The following PWWP3B variants were observed in gnomAD, a reference collection of about 807,000 sequenced individuals.
PWWP3B encodes the protein PWWP domain containing 3B, also known as PWWP domain-containing DNA repair factor 3B.
In PWWP3B, 5 loss-of-function variants were observed where a neutral mutation model predicts 15.7. The observed-to-expected ratio is 0.32, with a 90% CI of 0.17 to 0.67. The LOEUF (loss-of-function observed/expected upper bound fraction) is 0.67, where lower values mean the gene tolerates loss of function less well. Ranked by LOEUF, PWWP3B falls within the 30% of genes least tolerant of loss-of-function variation. The probability of loss-of-function intolerance (pLI) is 0.74; values close to 1 mark genes in which losing one functional copy is unlikely to be tolerated. For synonymous variants in PWWP3B, 203 were observed against 179.8 expected (o/e 1.13, Z -1.03); for missense variants, 519 against 493.1 (o/e 1.05, Z -0.50).
chrX:106,194,232 G>A (rs1320757844), intron 2 of PWWP3B, among the ~76,000 whole-genome samples: 2 of 111,208 alleles, frequency 1.8e-5, no homozygotes, highest in Admixed American at 9.5e-5. Flanking sequence ...TGCAGTCTTT[G>A]TTCATTTCTT....
intron 2 of PWWP3B, among the ~76,000 whole-genome samples, chrX:106,190,693 C>A (rs1475723324): frequency 8.9e-6 from 1 of 111,934 alleles, no homozygotes; most frequent in African/African-American, 3.3e-5. Flanking sequence ...ACATGTAAGT[C>A]TTTAATCCAT....
chrX:106,195,549 G>A (rs769187297), intron 2 of PWWP3B, among the ~76,000 whole-genome samples: 2 of 111,524 alleles, frequency 1.8e-5, no homozygotes, highest in South Asian at 7.5e-4. Context: ...GGTGTGTGAT[G>A]TCCAGTTGTT....
intron 2 of PWWP3B, among the ~76,000 whole-genome samples, chrX:106,183,197 C>G (rs772439267): frequency 9.0e-6 from 1 of 111,476 alleles, no homozygotes; most frequent in Non-Finnish European, 1.9e-5. Context: ...AACAATAGAT[C>G]TCTTGGTTGA....
intron 2 of PWWP3B, among the ~76,000 whole-genome samples, chrX:106,172,893 G>C (rs1460146488): frequency 8.9e-6 from 1 of 111,744 alleles, no homozygotes; most frequent in African/African-American, 3.3e-5. Flanking sequence ...GTCATGAATT[G>C]TGCTTCAGTG....
chrX:106,193,291 T>G (rs1407232450), intron 2 of PWWP3B, among the ~76,000 whole-genome samples: 2 of 111,679 alleles, frequency 1.8e-5, no homozygotes, highest in African/African-American at 3.3e-5. Context: ...TACCATTATG[T>G]AATGGCCTTC....
At chrX:106,191,020 C>T (rs7889453) in intron 2 of PWWP3B, among the ~76,000 whole-genome samples, 108 of 110,391 alleles carry the variant, frequency 9.8e-4, no homozygotes, top group African/African-American at 3.0e-3. Context: ...ATTGACTTGG[C>T]GATGCGGGCT....
In PWWP3B at chrX:106,205,584, A is replaced by G. The variant is rs780970235; in HGVS notation, c.152A>G (p.Asp51Gly). 9 of 1,207,360 alleles carry G rather than the reference A, an allele frequency of 7.5e-6. No individual in the cohort carries two copies. The East Asian group carries it at 2.7e-4, about 36-fold the overall frequency. The change falls in exon 4 of 4, where the codon GAC becomes GGC. Residue 51 changes from aspartate (D) to glycine (G), a missense_variant. Asp to Gly is a moderately conservative substitution (Grantham distance 94). Coordinates refer to ENST00000357175, the MANE Select transcript of PWWP3B (RefSeq NM_001171020.2). ...TCACTAGATGAAAAAATTAAATTGG[A>G]CAGCACAGAAACAAAGATCCTAAAT... ...ILSLDEKIKLDSTETKILNKS... is the reference protein window; with the variant it reads ...ILSLDEKIKLGSTETKILNKS...
intron 2 of PWWP3B, among the ~76,000 whole-genome samples, chrX:106,197,065 C>T (rs1168075322): frequency 8.9e-6 from 1 of 111,866 alleles, no homozygotes; most frequent in Non-Finnish European, 1.9e-5. Flanking sequence ...GTCTGTTGTC[C>T]TGTCTAGCCA....
intron 2 of PWWP3B, among the ~76,000 whole-genome samples, chrX:106,194,928 G>A (rs759122175): frequency 2.7e-5 from 3 of 111,393 alleles, no homozygotes; most frequent in Non-Finnish European, 5.7e-5. Flanking sequence ...GTACCCGGCC[G>A]TATGAGGTGT....
intron 2 of PWWP3B, among the ~76,000 whole-genome samples, chrX:106,191,220 T>C (rs1196199412): frequency 3.6e-5 from 4 of 111,388 alleles, no homozygotes; most frequent in Admixed American, 9.5e-5. Flanking sequence ...TTTTATTTCA[T>C]TGAGCAGTGG....
At chrX:106,194,568 G>C (rs746804682) in intron 2 of PWWP3B, among the ~76,000 whole-genome samples, 3 of 112,015 alleles carry the variant, frequency 2.7e-5, no homozygotes, top group Non-Finnish European at 5.6e-5. Context: ...GTCCAGCTTT[G>C]TTCCATTGCT....
At chrX:106,188,757 A>G (rs748429192) in intron 2 of PWWP3B, among the ~76,000 whole-genome samples, 1 of 112,663 alleles carries the variant, frequency 8.9e-6, no homozygotes, top group Admixed American at 9.4e-5. Flanking sequence ...TACAAATGGA[A>G]TCATAAAGTA....
chrX:106,181,818 T>G (rs894205729), intron 2 of PWWP3B, among the ~76,000 whole-genome samples: 12 of 112,006 alleles, frequency 1.1e-4, no homozygotes, highest in South Asian at 3.8e-4. Flanking sequence ...GGGTTCCATT[T>G]GTAAGACCAT....
intron 2 of PWWP3B, among the ~76,000 whole-genome samples, chrX:106,199,215 A>T (rs1923554785): frequency 9.1e-6 from 1 of 109,582 alleles, no homozygotes; most frequent in Admixed American, 9.7e-5. Context: ...AGCCTGGCTA[A>T]TTTTTTCTTT....
chrX:106,194,203 C>T (rs768632446), intron 2 of PWWP3B, among the ~76,000 whole-genome samples: 1 of 111,877 alleles, frequency 8.9e-6, no homozygotes, highest in African/African-American at 3.2e-5. Context: ...TTGGTCTTTT[C>T]ACATAGTCCC....
chrX:106,172,482 C>A (rs1180170076), intron 2 of PWWP3B, among the ~76,000 whole-genome samples: 2 of 108,848 alleles, frequency 1.8e-5, no homozygotes, highest in African/African-American at 6.7e-5. Context: ...TCTTTTCAAA[C>A]TTTTTTTTGT....
At chrX:106,200,892 C>T (rs1923660865) in intron 2 of PWWP3B, among the ~76,000 whole-genome samples, 1 of 108,764 alleles carries the variant, frequency 9.2e-6, no homozygotes, top group Non-Finnish European at 1.9e-5. Context: ...ACTAAAAATG[C>T]AAAAAATTAG....
At chrX:106,202,833 T>C (rs1004961380) in intron 2 of PWWP3B, among the ~76,000 whole-genome samples, 4 of 112,404 alleles carry the variant, frequency 3.6e-5, no homozygotes, top group Admixed American at 1.9e-4. Flanking sequence ...AGAATAAATA[T>C]GTATGTTAGT....
rs958843406 is a variant in PWWP3B, at chrX:106,180,706, T to C, written c.-401+9567T>C. 3.6e-5 allele frequency among the ~76,000 whole-genome samples: 4 copies of C among 112,104 alleles called. No individual in the cohort carries two copies. In the Admixed American group the frequency reaches 3.8e-4, roughly 11 times the overall value. ...TGACCTAAGAATTTTTGTTAGATGA[T>C]TGAAAGTTCACTGACTGATTTCTAA... On this transcript the variant is annotated intron_variant, in intron 2 of 3. Transcript: ENST00000357175.
Sources: allele counts gnomAD v4.1 joint callset (sites outside exome capture counted in the v4.1 genomes callset), GRCh38; gene constraint gnomAD v4.1.1; transcripts MANE v1.5; gene names NCBI Gene and HGNC (gene_info 2026-07-23, HGNC 2026-07-21).